TM9SF4: variants seen among roughly 807,000 people sequenced by gnomAD.
The protein encoded by TM9SF4 is transmembrane 9 superfamily member 4, also known as dinucleotide oxidase disulfide thiol exchanger 3 superfamily member 4.
Under a neutral mutation model 90.4 loss-of-function variants are expected in TM9SF4, and 26 were observed. The ratio of observed to expected loss-of-function variants is 0.29; its 90% CI spans 0.21 to 0.40. The LOEUF (loss-of-function observed/expected upper bound fraction) is 0.40, where lower values mean the gene tolerates loss of function less well. Among genes scored for constraint, TM9SF4 ranks in the 10% least tolerant of loss-of-function variants. TM9SF4 has a pLI of 1.00. For synonymous variants in TM9SF4, 293 were observed against 315.4 expected (o/e 0.93, Z 0.75); for missense variants, 549 against 834.8 (o/e 0.66, Z 4.22).
rs568804520 is a variant in TM9SF4 at position 32,165,267 on chromosome 20, C to T, written c.1780-28C>T. The stretch of plus-strand genomic sequence containing the variant: ...ATGCAGCCTGGCACTAAGCATGCAC[C>T]CTGTCTTCTTTCTGCTCGTGGCCGC... On this transcript the variant is annotated intron_variant, in intron 17 of 17. Transcript: ENST00000398022. The T allele has an allele frequency of 5.6e-6, 9 of 1,613,616 alleles. No homozygotes were observed. The South Asian group carries it at 8.8e-5, about 16-fold the overall frequency.
Position 32,136,010 on chromosome 20 carries a change from C to T in TM9SF4, c.130-64C>T, listed in dbSNP as rs949083282. 13 of 1,433,414 alleles carry T rather than the reference C, an allele frequency of 9.1e-6. No individual in the cohort carries two copies. In the South Asian group the frequency reaches 1.0e-4, roughly 12 times the overall value. The allele number at this position is 1,433,414 out of a possible 1,614,324, so 88.8% of individuals were successfully genotyped here. A position where few individuals can be genotyped will look rare whatever the true frequency, so the allele number is the denominator to read the frequency against. ...CTATTAGTTAATATTACCAAGTGTA[C>T]TAAAGATGTGTGGGTACCAGGGAGG... is the stretch of plus-strand genomic sequence containing the variant. On this transcript the variant is annotated intron_variant, in intron 2 of 17. Coordinates refer to ENST00000398022, the MANE Select transcript of TM9SF4 (RefSeq NM_014742.4).
rs753587895 is a variant in TM9SF4 at position 32,109,882 on chromosome 20, C to G, written c.15+127C>G. ...CCCCTGACTCAGGCCTGAGGGCTAC[C>G]TCTGACTGGGCTTGTCTTCCCCGAA... On this transcript the variant is annotated intron_variant, in intron 1 of 17. Transcript: ENST00000398022. 7.3e-6 allele frequency: 11 copies of G among 1,515,202 alleles called. No homozygotes were observed. The African/African-American group carries it at 1.4e-4, about 19-fold the overall frequency. The allele number at this position is 1,515,202 out of a possible 1,614,324, so 93.9% of individuals were successfully genotyped here.
Position 32,167,163 on chromosome 20 carries a change from AC to A in TM9SF4, c.*1720del, listed in dbSNP as rs2047109750. 1 of 151,814 alleles carries A rather than the reference AC, an allele frequency of 6.6e-6. No individual in the cohort carries two copies. The highest frequency in any genetic ancestry group is 2.4e-5 in the African/African-American group (1 of 41,294). The allele number at this position is 151,814 out of a possible 1,614,324, so 9.4% of individuals were successfully genotyped here. A position where few individuals can be genotyped will look rare whatever the true frequency, so the allele number is the denominator to read the frequency against. On this transcript the variant is annotated 3_prime_UTR_variant, in exon 18 of 18. Coordinates refer to ENST00000398022, the MANE Select transcript of TM9SF4 (RefSeq NM_014742.4). The stretch of plus-strand genomic sequence containing the variant: ...GGTTCAAAGATCATCAATTTTTCTG[AC>A]TTTTTAAATCATTATCATTATTATT...
At chr20:32,159,830 AC>A in intron 15 of TM9SF4, 161 bp from the exon 16 acceptor site, 3 of 965,116 alleles carry the variant, frequency 3.1e-6, no homozygotes, top group South Asian at 1.6e-5. Context: ...AGTGTGGCTC[AC>A]CCCCTGCTCT....
intron 17 of TM9SF4, among the ~76,000 whole-genome samples, chr20:32,161,740 A>C (rs1344294543): frequency 1.3e-5 from 2 of 152,252 alleles, no homozygotes; most frequent in Non-Finnish European, 2.9e-5. Context: ...ACATGAAAGA[A>C]GAAAAGTAGA....
chr20:32,126,703 G>A (rs2046427494), intron 1 of TM9SF4, among the ~76,000 whole-genome samples: 1 of 151,842 alleles, frequency 6.6e-6, no homozygotes, highest in Non-Finnish European at 1.5e-5. Flanking sequence ...ACACACAGTA[G>A]GTGCTCAATA....
At chr20:32,158,018 G>GC (rs761017020) in intron 14 of TM9SF4, 49 bp downstream of exon 14, 10 of 1,600,518 alleles carry the variant, frequency 6.2e-6, no homozygotes, top group African/African-American at 2.7e-5. Context: ...AAGAGGGTAC[G>GC]CCCCCCTCCG....
At position 32,165,517 on chromosome 20, in the gene TM9SF4, G is replaced by A. The variant is rs1053961248; in HGVS notation, c.*73G>A. 6.4e-6 allele frequency: 10 copies of A among 1,556,332 alleles called. No homozygotes were observed. The Admixed American group carries it at 7.0e-5, about 11-fold the overall frequency. On this transcript the variant is annotated 3_prime_UTR_variant, in exon 18 of 18. Transcript: ENST00000398022. ...ACCCTGCGTGGGGGACTGCAGGCAC[G>A]CAAAATAAAATAACTCCTGCTCGTT... is the stretch of plus-strand genomic sequence containing the variant.
intron 1 of TM9SF4, among the ~76,000 whole-genome samples, chr20:32,127,186 C>T (rs1029531711): frequency 5.3e-5 from 8 of 152,182 alleles, no homozygotes; most frequent in Non-Finnish European, 1.2e-4. Context: ...AGAGTCCCTA[C>T]CTCATAGGAT....
chr20:32,122,914 C>G (rs1311413872), intron 1 of TM9SF4, among the ~76,000 whole-genome samples: 2 of 151,944 alleles, frequency 1.3e-5, no homozygotes, highest in African/African-American at 2.4e-5. Context: ...CGTCTGCAAT[C>G]CCGGCACCTC....
intron 1 of TM9SF4, among the ~76,000 whole-genome samples, chr20:32,115,807 C>G (rs10432763): frequency 2.1e-5 from 2 of 95,170 alleles, no homozygotes; most frequent in South Asian, 3.4e-4. Flanking sequence ...CCACTTTAAG[C>G]TTTTTTTTTT....
In TM9SF4 at chr20:32,115,957, G is replaced by T. The variant is rs1337950461; in HGVS notation, c.15+6202G>T. Among the ~76,000 whole-genome samples the T allele has an allele frequency of 1.2e-4, 18 of 151,858 alleles. 1 individual carries two copies. The highest frequency in any genetic ancestry group is 9.2e-4 in the Admixed American group (14 of 15,252). ...CTGCCTCATCTTCCCAAGTAGCTGG[G>T]ACTACAGGCATGTGCCACCACGCCT... On this transcript the variant is annotated intron_variant, in intron 1 of 17. Transcript: ENST00000398022.
In TM9SF4 at chr20:32,141,803, C is replaced by G. The variant is rs749454979; in HGVS notation, c.436C>G (p.Leu146Val). ...CCTGCCTGTGGCCACCCGGCTGGAG[C>G]TCTACTCCAACCGAGACAGCGATGA... ...DNLPVATRLE[L>V]YSNRDSDDKK... Residue 146 changes from leucine (L) to valine (V), a missense_variant, in exon 5 of 18, where the codon CTC becomes GTC. Leu to Val is a conservative substitution (Grantham distance 32). Coordinates refer to ENST00000398022, the MANE Select transcript of TM9SF4 (RefSeq NM_014742.4). 5.6e-6 allele frequency: 9 copies of G among 1,614,026 alleles called. No individual in the cohort carries two copies. Among genetic ancestry groups the G allele is most frequent in the Non-Finnish European group, 7.6e-6 (9 of 1,180,038 alleles).
chr20:32,118,490 G>A (rs1282403657), intron 1 of TM9SF4, among the ~76,000 whole-genome samples: 1 of 129,716 alleles, frequency 7.7e-6, no homozygotes, highest in East Asian at 3.4e-4. Context: ...GTGCAGTGGT[G>A]GAATCATAGC....
intron 1 of TM9SF4, among the ~76,000 whole-genome samples, chr20:32,129,303 G>A (rs2046474888): frequency 6.6e-6 from 1 of 151,928 alleles, no homozygotes; most frequent in African/African-American, 2.4e-5. Context: ...GACCAGCCTG[G>A]GTAATATAGG....
intron 15 of TM9SF4, among the ~76,000 whole-genome samples, chr20:32,158,945 G>A (rs2046972487): frequency 6.6e-6 from 1 of 150,876 alleles, no homozygotes; most frequent in Non-Finnish European, 1.5e-5. Flanking sequence ...TCGCGCCACT[G>A]CACTCCAGCC....
At chr20:32,110,388 C>G (rs2046125430) in intron 1 of TM9SF4, among the ~76,000 whole-genome samples, 1 of 152,176 alleles carries the variant, frequency 6.6e-6, no homozygotes, top group Admixed American at 6.5e-5. Flanking sequence ...CTCCCTGCCC[C>G]TCTCTTAGGG....
chr20:32,122,996 G>A (rs1239288903), intron 1 of TM9SF4, among the ~76,000 whole-genome samples: 13 of 151,358 alleles, frequency 8.6e-5, no homozygotes, highest in South Asian at 2.1e-4. Flanking sequence ...GCGAAACCCC[G>A]TCTCCACCAA....
chr20:32,166,935 C>G lies in TM9SF4; in HGVS notation c.*1491C>G, dbSNP rs2047106771. ...TCTCCCAGTGGCTCTACCAGCCTCA[C>G]CCATCAAACCAGTGAATTTCTCAAT... On this transcript the variant is annotated 3_prime_UTR_variant, in exon 18 of 18. Transcript: ENST00000398022. 1 of 152,150 alleles carries G rather than the reference C, an allele frequency of 6.6e-6. No homozygotes were observed. The highest frequency in any genetic ancestry group is 2.4e-5 in the African/African-American group (1 of 41,430). 9.4% of individuals were successfully genotyped at this position (152,150 alleles called of 1,614,324 possible).
Sources: gnomAD v4.1 joint callset for allele counts (sites outside exome capture counted in the v4.1 genomes callset) on GRCh38, gnomAD v4.1.1 for gene constraint, MANE v1.5 for transcripts, NCBI Gene and HGNC (gene_info 2026-07-23, HGNC 2026-07-21) for gene names.